The following NIBAN1 variants were observed in gnomAD, a reference collection of about 807,000 sequenced individuals.
NIBAN1 encodes protein Niban 1.
In NIBAN1, 81 loss-of-function variants were observed where a neutral mutation model predicts 75.1. The observed-to-expected ratio is 1.08, with a 90% CI of 0.90 to 1.30. The LOEUF (loss-of-function observed/expected upper bound fraction) is 1.30, where lower values mean the gene tolerates loss of function less well. Ranked by LOEUF, NIBAN1 falls within the 50% of genes most tolerant of loss-of-function variation. NIBAN1 has a pLI of 0.00. For synonymous variants in NIBAN1, 436 were observed against 424.8 expected (o/e 1.03, Z -0.32); for missense variants, 1,133 against 1,128.1 (o/e 1.00, Z -0.06).
intron 6 of NIBAN1, among the ~76,000 whole-genome samples, chr1:184,826,918 C>T (rs1278828872): frequency 6.6e-6 from 1 of 151,932 alleles, no homozygotes; most frequent in African/African-American, 2.4e-5. Context: ...AATTGTAGCT[C>T]CTATAATTCC....
rs1653799773 is a variant in NIBAN1, at chr1:184,795,027, CCTT to C, written c.2734_2736del (p.Lys912del). On this transcript the variant is annotated inframe_deletion, in exon 14 of 14. Coordinates refer to ENST00000367511, the MANE Select transcript of NIBAN1 (RefSeq NM_052966.4). ...AAACTCTCCTGACCACCTTCTCCCT[CCTT>C]CACGTCATCTTTGTGTGACAGCAGG... 6.2e-7 allele frequency: 1 copy of C among 1,613,468 alleles called. No homozygotes were observed. Among genetic ancestry groups the C allele is most frequent in the African/African-American group, 1.3e-5 (1 of 75,076 alleles).
chr1:184,969,987 G>T (rs543073470), intron 1 of NIBAN1, among the ~76,000 whole-genome samples: 1 of 151,744 alleles, frequency 6.6e-6, no homozygotes, highest in South Asian at 2.1e-4. Context: ...GAAACATGGC[G>T]AAACCCCGTC....
At chr1:184,925,562 A>AT (rs1417358046) in intron 1 of NIBAN1, among the ~76,000 whole-genome samples, 3 of 150,996 alleles carry the variant, frequency 2.0e-5, no homozygotes, top group Non-Finnish European at 4.4e-5. Context: ...CTTTATTTTT[A>AT]TTTTTTTGTT....
intron 6 of NIBAN1, among the ~76,000 whole-genome samples, chr1:184,825,380 C>T (rs765367541): frequency 2.0e-5 from 3 of 151,790 alleles, no homozygotes; most frequent in African/African-American, 4.8e-5. Context: ...GTCTAATATA[C>T]GATGATTGCT....
intron 1 of NIBAN1, among the ~76,000 whole-genome samples, chr1:184,957,457 C>T (rs1355782211): frequency 6.6e-6 from 1 of 152,154 alleles, no homozygotes; most frequent in African/African-American, 2.4e-5. Context: ...ATTATAATGC[C>T]ATTGCTTCTG....
chr1:184,890,254 C>A (rs377357410), intron 3 of NIBAN1, 32 bp from the exon 4 acceptor site: 3 of 1,520,918 alleles, frequency 2.0e-6, no homozygotes, highest in South Asian at 1.1e-5. Flanking sequence ...GGAATGATAT[C>A]TTTTTCCCCA....
intron 9 of NIBAN1, among the ~76,000 whole-genome samples, chr1:184,813,780 A>G (rs1654449238): frequency 6.6e-6 from 1 of 152,210 alleles, no homozygotes; most frequent in Non-Finnish European, 1.5e-5. Context: ...TTCACTGTAC[A>G]GCTTGCTGGC....
In NIBAN1 at chr1:184,823,718, C is replaced by G. The variant is rs1169689511; in HGVS notation, c.742G>C (p.Glu248Gln). 2 of 1,614,004 alleles carry G rather than the reference C, an allele frequency of 1.2e-6. No homozygotes were observed. Among genetic ancestry groups the G allele is most frequent in the Non-Finnish European group, 1.7e-6 (2 of 1,179,982 alleles). ...TCTGTCTGAAGAGTGGGCAGGAGCT[C>G]CTCCATCACCAGGTTACTCAGGATC... is the stretch of plus-strand genomic sequence containing the variant. ...IQILSNLVMEELLPTLQTDLL... is the reference protein window; with the variant it reads ...IQILSNLVMEQLLPTLQTDLL... The change falls in exon 7 of 14, where the codon GAG becomes CAG. Residue 248 changes from glutamate (E) to glutamine (Q), a missense_variant. Physicochemically the swap from Glu to Gln is conservative, Grantham distance 29. Transcript: ENST00000367511.
chr1:184,958,329 C>T (rs1015865993), intron 1 of NIBAN1, among the ~76,000 whole-genome samples: 2 of 151,144 alleles, frequency 1.3e-5, no homozygotes, highest in African/African-American at 2.4e-5. Context: ...GAGCCAAGAT[C>T]ACACCACTGC....
chr1:184,792,225 G>C lies in NIBAN1; in HGVS notation c.*2752C>G, dbSNP rs985533776. ...CAAAGTGCTGGGATTATAGGTGTAA[G>C]CTACCACATCCAGCCCAAAAACTTG... is the stretch of plus-strand genomic sequence containing the variant. On this transcript the variant is annotated 3_prime_UTR_variant, in exon 14 of 14. Coordinates refer to ENST00000367511, the MANE Select transcript of NIBAN1 (RefSeq NM_052966.4). The C allele has an allele frequency of 6.6e-6, 1 of 152,196 alleles. No homozygotes were observed. The highest frequency in any genetic ancestry group is 1.9e-4 in the East Asian group (1 of 5,194). 9.4% of individuals were successfully genotyped at this position (152,196 alleles called of 1,614,324 possible).
At chr1:184,796,821 T>G (rs1289012398) in intron 13 of NIBAN1, among the ~76,000 whole-genome samples, 1 of 152,222 alleles carries the variant, frequency 6.6e-6, no homozygotes, top group Admixed American at 6.5e-5. Context: ...TTTCCTTCTC[T>G]AACAAAATCA....
intron 1 of NIBAN1, among the ~76,000 whole-genome samples, chr1:184,899,808 T>TC (rs1656900499): frequency 2.6e-5 from 1 of 37,948 alleles, no homozygotes; most frequent in Non-Finnish European, 6.1e-5. Context: ...CATCACTCTC[T>TC]TTTTTTTTTT....
chr1:184,935,602 C>T (rs1417786889), intron 1 of NIBAN1, among the ~76,000 whole-genome samples: 2 of 152,004 alleles, frequency 1.3e-5, no homozygotes, highest in Admixed American at 6.6e-5. Flanking sequence ...ACATTTAATA[C>T]ATAGAAATAT....
At chr1:184,858,484 C>T (rs1018535905) in intron 5 of NIBAN1, among the ~76,000 whole-genome samples, 3 of 151,348 alleles carry the variant, frequency 2.0e-5, no homozygotes, top group Non-Finnish European at 4.4e-5. Flanking sequence ...AAAGGCCACT[C>T]AAAATAAAAA....
rs137891028 is a variant in NIBAN1 at position 184,798,176 on chromosome 1, G to A, written c.1569C>T (p.Tyr523=). 2.5e-5 allele frequency: 40 copies of A among 1,602,196 alleles called. No homozygotes were observed. The highest frequency in any genetic ancestry group is 1.5e-4 in the African/African-American group (11 of 74,824). The change falls in exon 13 of 14, where the codon TAC becomes TAT. Residue 523 remains tyrosine (Y), a synonymous_variant. Transcript: ENST00000367511. The stretch of plus-strand genomic sequence containing the variant: ...TATGATCTGCAAAGATGAACTGCTC[G>A]TATTTCTGAAGCTCCTGGAGAGCAA... ...ASTCKPELQK[Y]EQFIFADHTN...
chr1:184,909,298 C>A (rs1006470397), intron 1 of NIBAN1, among the ~76,000 whole-genome samples: 4 of 152,156 alleles, frequency 2.6e-5, no homozygotes, highest in African/African-American at 9.7e-5. Flanking sequence ...CTCTTATTTT[C>A]CTATGTTTTT....
At chr1:184,805,904 G>C in intron 11 of NIBAN1, 42 bp downstream of exon 11, 3 of 1,502,648 alleles carry the variant, frequency 2.0e-6, no homozygotes, top group South Asian at 1.1e-5. Context: ...CAGGGGTCAC[G>C]TTCTCTTTTT....
At chr1:184,891,424 A>G (rs201352522) in intron 3 of NIBAN1, among the ~76,000 whole-genome samples, 1 of 152,214 alleles carries the variant, frequency 6.6e-6, no homozygotes, top group East Asian at 1.9e-4. Context: ...AACTTGTATG[A>G]TATTAAGAAG....
At chr1:184,840,159 T>C (rs751256992) in intron 5 of NIBAN1, among the ~76,000 whole-genome samples, 1 of 152,210 alleles carries the variant, frequency 6.6e-6, no homozygotes, top group Non-Finnish European at 1.5e-5. Context: ...TTAAAACACA[T>C]TTATACATGA....
Sources: gnomAD v4.1 joint callset for allele counts (sites outside exome capture counted in the v4.1 genomes callset) on GRCh38, gnomAD v4.1.1 for gene constraint, MANE v1.5 for transcripts, NCBI Gene and HGNC (gene_info 2026-07-23, HGNC 2026-07-21) for gene names.